Variants in SPOCK3 observed in about 807,000 individuals in gnomAD.
SPOCK3 encodes SPARC (osteonectin), cwcv and kazal like domains proteoglycan 3.
A neutral mutation model predicts 56.6 loss-of-function variants in SPOCK3; 30 were observed. The observed-to-expected ratio is 0.53, with a 90% CI of 0.40 to 0.72. The LOEUF is 0.72. Ranked by LOEUF, SPOCK3 falls within the 30% of genes least tolerant of loss-of-function variation. The probability of loss-of-function intolerance (pLI) is 0.00; values close to 1 mark genes in which losing one functional copy is unlikely to be tolerated. For synonymous variants in SPOCK3, 196 were observed against 183.3 expected (o/e 1.07, Z -0.56); for missense variants, 527 against 530.0 (o/e 0.99, Z 0.06).
intron 4 of SPOCK3, among the ~76,000 whole-genome samples, chr4:166,924,799 TC>T (rs1738893849): frequency 6.6e-6 from 1 of 152,202 alleles, no homozygotes; most frequent in Non-Finnish European, 1.5e-5. Context: ...GCCACCGTCT[TC>T]CCACCATATT....
intron 6 of SPOCK3, among the ~76,000 whole-genome samples, chr4:166,861,712 G>T (rs758754256): frequency 6.6e-6 from 1 of 151,966 alleles, no homozygotes; most frequent in Non-Finnish European, 1.5e-5. Flanking sequence ...AACATACTGG[G>T]GTTCCTAAGA....
intron 2 of SPOCK3, among the ~76,000 whole-genome samples, chr4:167,083,967 TG>T (rs1437481491): frequency 6.6e-6 from 1 of 152,078 alleles, no homozygotes; most frequent in East Asian, 1.9e-4. Flanking sequence ...GTCAGTAACT[TG>T]GGTGACTATT....
chr4:167,153,905 G>A (rs1426390406), intron 2 of SPOCK3, among the ~76,000 whole-genome samples: 2 of 1,288 alleles, frequency 1.6e-3, no homozygotes, highest in Non-Finnish European at 3.1e-3. Flanking sequence ...TAGATTTCAG[G>A]GAAAAACTAG....
intron 8 of SPOCK3, among the ~76,000 whole-genome samples, chr4:166,744,206 T>A (rs551516041): frequency 6.6e-6 from 1 of 152,074 alleles, no homozygotes; most frequent in Non-Finnish European, 1.5e-5. Flanking sequence ...TACCTCCCAA[T>A]AGGGGCTGAC....
At chr4:167,125,671 C>T (rs1309252138) in intron 2 of SPOCK3, among the ~76,000 whole-genome samples, 1 of 151,862 alleles carries the variant, frequency 6.6e-6, no homozygotes, top group African/African-American at 2.4e-5. Flanking sequence ...GCCAAGATCG[C>T]GCCACTGGAC....
At chr4:166,964,743 T>C (rs2150063130) in intron 4 of SPOCK3, among the ~76,000 whole-genome samples, 1 of 151,790 alleles carries the variant, frequency 6.6e-6, no homozygotes, top group Non-Finnish European at 1.5e-5. Flanking sequence ...GAAAACAAAA[T>C]AAACAGCTTG....
At chr4:166,797,448 T>C (rs953686598) in intron 6 of SPOCK3, among the ~76,000 whole-genome samples, 4 of 151,900 alleles carry the variant, frequency 2.6e-5, no homozygotes, top group African/African-American at 9.7e-5. Flanking sequence ...TTTGGCTTTT[T>C]ATTTATTTTT....
At chr4:166,965,753 T>A (rs774915736) in intron 4 of SPOCK3, among the ~76,000 whole-genome samples, 5 of 152,084 alleles carry the variant, frequency 3.3e-5, no homozygotes, top group Non-Finnish European at 7.4e-5. Context: ...TCTCATATAC[T>A]TGCTGACTCA....
At chr4:167,149,741 C>T (rs1324628016) in intron 2 of SPOCK3, among the ~76,000 whole-genome samples, 2 of 151,640 alleles carry the variant, frequency 1.3e-5, no homozygotes, top group Non-Finnish European at 2.9e-5. Context: ...AACAAAATAT[C>T]AAATGTTATT....
intron 6 of SPOCK3, among the ~76,000 whole-genome samples, chr4:166,852,576 C>T (rs954846558): frequency 6.6e-6 from 1 of 152,120 alleles, no homozygotes; most frequent in African/African-American, 2.4e-5. Flanking sequence ...GATAAGAGAC[C>T]ACCAACCATA....
intron 4 of SPOCK3, among the ~76,000 whole-genome samples, chr4:166,946,892 G>T (rs563160710): frequency 2.6e-5 from 4 of 152,214 alleles, no homozygotes; most frequent in Admixed American, 2.0e-4. Flanking sequence ...ATAAATGAAG[G>T]TGTTCAGTAC....
chr4:166,884,582 A>C (rs1037283931), intron 6 of SPOCK3, among the ~76,000 whole-genome samples: 1 of 152,162 alleles, frequency 6.6e-6, no homozygotes, highest in African/African-American at 2.4e-5. Flanking sequence ...TATGTGAAAA[A>C]GTTATGTAAT....
At chr4:167,059,980 C>T (rs1462687137) in intron 3 of SPOCK3, among the ~76,000 whole-genome samples, 3 of 149,474 alleles carry the variant, frequency 2.0e-5, no homozygotes, top group African/African-American at 7.4e-5. Context: ...GGAAGGGGAA[C>T]ATCTCACTCT....
At position 166,793,429 on chromosome 4, in the gene SPOCK3, T is replaced by C. The variant is rs116433392; in HGVS notation, c.590-1140A>G. 2.2e-3 allele frequency among the ~76,000 whole-genome samples: 328 copies of C among 152,234 alleles called. 2 individuals are homozygous for C. Among genetic ancestry groups the C allele is most frequent in the African/African-American group, 7.4e-3 (307 of 41,544 alleles). ...AACAAATAAAATACACTAACAGTAA[T>C]GATAGCTGATGAGCTGAAAAAAACA... On this transcript the variant is annotated intron_variant, in intron 6 of 10. Coordinates refer to ENST00000357545, the MANE Select transcript of SPOCK3 (RefSeq NM_001040159.2).
chr4:166,874,616 T>G (rs1007280518), intron 6 of SPOCK3, among the ~76,000 whole-genome samples: 3 of 152,194 alleles, frequency 2.0e-5, no homozygotes, highest in Admixed American at 6.5e-5. Context: ...AGTATCACCA[T>G]GTAAGCACAC....
At chr4:166,780,029 A>T (rs1346614333) in intron 7 of SPOCK3, among the ~76,000 whole-genome samples, 1 of 152,200 alleles carries the variant, frequency 6.6e-6, no homozygotes, top group Non-Finnish European at 1.5e-5. Context: ...GATTAAAGGC[A>T]AGGACTCACT....
At chr4:167,145,500 C>T (rs974801355) in intron 2 of SPOCK3, among the ~76,000 whole-genome samples, 3 of 151,800 alleles carry the variant, frequency 2.0e-5, no homozygotes, top group Non-Finnish European at 4.4e-5. Context: ...CTGTGTGTCA[C>T]CCTAATTTAA....
At chr4:166,740,560 C>G (rs1175464274) in intron 9 of SPOCK3, among the ~76,000 whole-genome samples, 2 of 150,844 alleles carry the variant, frequency 1.3e-5, no homozygotes, top group South Asian at 2.1e-4. Context: ...GAGTCTCGCT[C>G]TGTTACCCAG....
At chr4:166,878,741 C>A (rs1264357517) in intron 6 of SPOCK3, among the ~76,000 whole-genome samples, 1 of 152,070 alleles carries the variant, frequency 6.6e-6, no homozygotes, top group East Asian at 1.9e-4. Context: ...CTCCAAAGGG[C>A]TGGTAAGACA....
Sources: allele counts gnomAD v4.1 joint callset (sites outside exome capture counted in the v4.1 genomes callset), GRCh38; gene constraint gnomAD v4.1.1; transcripts MANE v1.5; gene names NCBI Gene and HGNC (gene_info 2026-07-23, HGNC 2026-07-21).